The following POU6F2 variants were observed in gnomAD, a reference collection of about 807,000 sequenced individuals.
POU6F2 encodes the protein POU domain, class 6, transcription factor 2.
POU6F2 carries 31 observed loss-of-function variants against 71.3 expected under a neutral mutation model. That is an observed-to-expected ratio of 0.43 (90% CI 0.33 to 0.59). The LOEUF is 0.59. Among genes scored for constraint, POU6F2 ranks in the 20% least tolerant of loss-of-function variants. POU6F2 has a pLI of 0.04. For missense variants in POU6F2, 783 were observed against 856.8 expected (o/e 0.91, Z 1.07); for synonymous variants, 347 against 355.7 (o/e 0.98, Z 0.27).
chr7:39,266,695 C>CTTT (rs35508359), intron 4 of POU6F2, among the ~76,000 whole-genome samples: 7,809 of 104,998 alleles, frequency 0.074, 878 homozygotes, highest in African/African-American at 0.19. Flanking sequence ...CGCACCTGGC[C>CTTT]TTTTTTTTTT....
intron 4 of POU6F2, among the ~76,000 whole-genome samples, chr7:39,226,099 G>T (rs910324763): frequency 6.6e-6 from 1 of 152,016 alleles, no homozygotes; most frequent in Non-Finnish European, 1.5e-5. Flanking sequence ...ATTGATTTGT[G>T]ATTTACATGG....
chr7:39,309,285 A>G (rs1437235623), intron 4 of POU6F2, among the ~76,000 whole-genome samples: 3 of 152,198 alleles, frequency 2.0e-5, no homozygotes, highest in Admixed American at 1.3e-4. Context: ...AAGGAATCCT[A>G]CCTACCATTG....
At chr7:39,148,407 C>A (rs1469199045) in intron 2 of POU6F2, among the ~76,000 whole-genome samples, 10 of 152,152 alleles carry the variant, frequency 6.6e-5, no homozygotes, top group Admixed American at 6.5e-4. Flanking sequence ...ACGATAATTT[C>A]TAGTTATCTC....
chr7:39,305,430 T>C (rs916671689), intron 4 of POU6F2, among the ~76,000 whole-genome samples: 1 of 152,248 alleles, frequency 6.6e-6, no homozygotes, highest in African/African-American at 2.4e-5. Context: ...ACAGTATTTT[T>C]TTTAAAAAGT....
chr7:39,340,737 A>G (rs937287228), intron 5 of POU6F2, among the ~76,000 whole-genome samples: 2 of 56,236 alleles, frequency 3.6e-5, no homozygotes, highest in Non-Finnish European at 7.5e-5. Flanking sequence ...TTGAGAAGGA[A>G]TGGATAGGTG....
chr7:39,137,753 T>G (rs952299567), intron 2 of POU6F2, among the ~76,000 whole-genome samples: 4 of 152,210 alleles, frequency 2.6e-5, no homozygotes, highest in Admixed American at 6.5e-5. Flanking sequence ...TTATAAACCC[T>G]ATGTACCTCT....
At chr7:39,290,282 G>A (rs1466367607) in intron 4 of POU6F2, among the ~76,000 whole-genome samples, 3 of 152,016 alleles carry the variant, frequency 2.0e-5, no homozygotes, top group African/African-American at 7.2e-5. Flanking sequence ...AGATCTCACC[G>A]GAAACATTCT....
intron 2 of POU6F2, among the ~76,000 whole-genome samples, chr7:39,105,624 TG>T (rs1380596769): frequency 6.6e-6 from 1 of 152,030 alleles, no homozygotes; most frequent in Non-Finnish European, 1.5e-5. Flanking sequence ...TTGATTAAAG[TG>T]GGGGGTGGTG....
At chr7:39,296,819 C>A (rs1461728489) in intron 4 of POU6F2, among the ~76,000 whole-genome samples, 2 of 152,230 alleles carry the variant, frequency 1.3e-5, no homozygotes, top group African/African-American at 4.8e-5. Flanking sequence ...GTTTTGTTCA[C>A]TATGGTTTCT....
intron 2 of POU6F2, among the ~76,000 whole-genome samples, chr7:39,122,900 G>A (rs1383964968): frequency 6.6e-6 from 1 of 151,978 alleles, no homozygotes; most frequent in African/African-American, 2.4e-5. Flanking sequence ...TAGAGACGGG[G>A]TTTTGCCATG....
At chr7:39,280,943 C>G (rs557550910) in intron 4 of POU6F2, among the ~76,000 whole-genome samples, 1 of 152,116 alleles carries the variant, frequency 6.6e-6, no homozygotes, top group South Asian at 2.1e-4. Context: ...TGCCAGAAAC[C>G]GGAGCACCCT....
chr7:39,463,413 C>G (rs940494783), intron 9 of POU6F2, among the ~76,000 whole-genome samples: 8 of 152,284 alleles, frequency 5.3e-5, no homozygotes, highest in African/African-American at 1.9e-4. Flanking sequence ...CACCATTACA[C>G]CGGCTGGTGT....
At chr7:39,018,489 A>G (rs1789610563) in intron 1 of POU6F2, among the ~76,000 whole-genome samples, 1 of 152,092 alleles carries the variant, frequency 6.6e-6, no homozygotes, top group Admixed American at 6.6e-5. Flanking sequence ...AGAAATATTA[A>G]TCAGCTTAAT....
At chr7:39,316,101 A>G (rs1435995719) in intron 4 of POU6F2, among the ~76,000 whole-genome samples, 2 of 152,188 alleles carry the variant, frequency 1.3e-5, no homozygotes, top group East Asian at 3.9e-4. Flanking sequence ...CAGTCAGACC[A>G]GGAATAAGAA....
chr7:39,454,989 CA>C (rs1223987705), intron 8 of POU6F2, among the ~76,000 whole-genome samples: 1 of 152,006 alleles, frequency 6.6e-6, no homozygotes, highest in East Asian at 1.9e-4. Flanking sequence ...AATTACCAAA[CA>C]TGCAGATTAT....
intron 5 of POU6F2, among the ~76,000 whole-genome samples, chr7:39,344,154 C>T (rs1049411493): frequency 6.6e-6 from 1 of 152,074 alleles, no homozygotes; most frequent in Admixed American, 6.6e-5. Flanking sequence ...CATGGCAGGA[C>T]GCAGGATAAT....
intron 1 of POU6F2, among the ~76,000 whole-genome samples, chr7:39,056,785 G>T (rs993555560): frequency 4.0e-5 from 6 of 151,468 alleles, no homozygotes; most frequent in Non-Finnish European, 8.8e-5. Flanking sequence ...GCGTATGTGG[G>T]TATTTATTTA....
intron 7 of POU6F2, among the ~76,000 whole-genome samples, chr7:39,441,463 G>A (rs1335070986): frequency 1.3e-5 from 2 of 151,842 alleles, no homozygotes; most frequent in African/African-American, 4.8e-5. Context: ...AAAAAAATCA[G>A]AAAAAAATAT....
intron 4 of POU6F2, among the ~76,000 whole-genome samples, chr7:39,323,887 C>T (rs1562790319): frequency 6.6e-6 from 1 of 151,838 alleles, no homozygotes. Flanking sequence ...GGCAGGTGAT[C>T]ACCTGAGGTC....
Sources: allele counts gnomAD v4.1 joint callset (sites outside exome capture counted in the v4.1 genomes callset), GRCh38; gene constraint gnomAD v4.1.1; transcripts MANE v1.5; gene names NCBI Gene and HGNC (gene_info 2026-07-23, HGNC 2026-07-21).